ARHGAP28: variants seen among roughly 807,000 people sequenced by gnomAD.
ARHGAP28 encodes the protein Rho GTPase activating protein 28.
ARHGAP28 carries 56 observed loss-of-function variants against 90.7 expected under a neutral mutation model. The ratio of observed to expected loss-of-function variants is 0.62; its 90% CI spans 0.50 to 0.77. The LOEUF (loss-of-function observed/expected upper bound fraction) is 0.77. Among genes scored for constraint, ARHGAP28 ranks in the 30% least tolerant of loss-of-function variants. The probability of loss-of-function intolerance (pLI) is 0.00; values close to 1 mark genes in which losing one functional copy is unlikely to be tolerated. For missense variants in ARHGAP28, 869 were observed against 900.9 expected (o/e 0.96, Z 0.45); for synonymous variants, 308 against 323.3 (o/e 0.95, Z 0.51).
At position 6,894,636 on chromosome 18, in the gene ARHGAP28, T is replaced by C. The variant is rs146988784; in HGVS notation, c.1849-199T>C. The stretch of plus-strand genomic sequence containing the variant: ...GTGTGTCAGCAAACAAACATCTATA[T>C]ACATCATTGTTCACAAATGAAGTAT... On this transcript the variant is annotated intron_variant, in intron 14 of 17. Transcript: ENST00000383472. Among the ~76,000 whole-genome samples the C allele has an allele frequency of 3.9e-5, 6 of 152,370 alleles. No individual in the cohort carries two copies. The East Asian group carries it at 7.7e-4, about 20-fold the overall frequency.
chr18:6,876,811 G>C (rs1447550842), intron 10 of ARHGAP28, among the ~76,000 whole-genome samples: 2 of 152,216 alleles, frequency 1.3e-5, no homozygotes, highest in Non-Finnish European at 2.9e-5. Context: ...GCTGTTCAGT[G>C]TGAATCTTAT....
Position 6,840,454 on chromosome 18 carries a change from G to A in ARHGAP28, c.543+3040G>A, listed in dbSNP as rs1050868427. On this transcript the variant is annotated intron_variant, in intron 3 of 17. Transcript: ENST00000383472. ...TAATGTAAAAACAGCAAGGTAAAGG[G>A]TATTTTTTGTGCACCTTCTTCTTTC... is the stretch of plus-strand genomic sequence containing the variant. Among the ~76,000 whole-genome samples the A allele has an allele frequency of 4.6e-5, 7 of 152,300 alleles. 1 individual carries two copies. Among genetic ancestry groups the A allele is most frequent in the Admixed American group, 2.0e-4 (3 of 15,310 alleles).
intron 1 of ARHGAP28, among the ~76,000 whole-genome samples, chr18:6,771,970 T>C (rs2056246543): frequency 6.6e-6 from 1 of 152,180 alleles, no homozygotes; most frequent in African/African-American, 2.4e-5. Flanking sequence ...ACACATTCTA[T>C]GCATGTAACA....
At chr18:6,818,494 A>G (rs1201244990) in intron 1 of ARHGAP28, among the ~76,000 whole-genome samples, 2 of 152,142 alleles carry the variant, frequency 1.3e-5, no homozygotes, top group African/African-American at 4.8e-5. Flanking sequence ...GTTCCTCTAT[A>G]TTCTAGTGGG....
chr18:6,758,104 G>A lies in ARHGAP28; in HGVS notation c.122+28161G>A, dbSNP rs79945764. On this transcript the variant is annotated intron_variant, in intron 1 of 17. Transcript: ENST00000383472. Reference sequence around the variant, plus strand: ...TGAAAGGTTTGGGAAACAAACTGATGCCTGAGGAATTCTTTTGACCTGTGT... The same window carrying A: ...TGAAAGGTTTGGGAAACAAACTGATACCTGAGGAATTCTTTTGACCTGTGT... Among the ~76,000 whole-genome samples the A allele has an allele frequency of 3.2e-3, 482 of 152,318 alleles. 4 individuals carry two copies. Among genetic ancestry groups the A allele is most frequent in the African/African-American group, 0.011 (458 of 41,570 alleles).
At chr18:6,864,096 T>C (rs772274046) in intron 5 of ARHGAP28, among the ~76,000 whole-genome samples, 3 of 150,916 alleles carry the variant, frequency 2.0e-5, no homozygotes, top group Non-Finnish European at 4.4e-5. Flanking sequence ...GACGGAGTCT[T>C]GCTCTGTCAC....
At chr18:6,833,715 T>C (rs181760652) in intron 2 of ARHGAP28, among the ~76,000 whole-genome samples, 147 of 152,244 alleles carry the variant, frequency 9.7e-4, no homozygotes, top group African/African-American at 3.5e-3. Flanking sequence ...ATCACTTACT[T>C]AAGGTGATAT....
intron 1 of ARHGAP28, among the ~76,000 whole-genome samples, chr18:6,760,696 C>T (rs1001877532): frequency 6.6e-6 from 1 of 152,158 alleles, no homozygotes; most frequent in Non-Finnish European, 1.5e-5. Flanking sequence ...AAGCTTATCT[C>T]AATTTAGCTA....
At chr18:6,847,140 A>T (rs1205163435) in intron 3 of ARHGAP28, among the ~76,000 whole-genome samples, 2 of 152,026 alleles carry the variant, frequency 1.3e-5, no homozygotes, top group Non-Finnish European at 2.9e-5. Context: ...CTGGATAAGG[A>T]GGGTTGTTTG....
intron 1 of ARHGAP28, chr18:6,790,767 G>C (rs566080120): frequency 3.9e-5 from 6 of 152,172 alleles, no homozygotes; most frequent in Non-Finnish European, 7.3e-5. Context: ...CCGCTTCTCA[G>C]GGTTGGGTAC....
chr18:6,842,631 C>T (rs2056836076), intron 3 of ARHGAP28, among the ~76,000 whole-genome samples: 1 of 151,972 alleles, frequency 6.6e-6, no homozygotes, highest in South Asian at 2.1e-4. Context: ...TGACTTTGAT[C>T]CTTGGGTGTT....
chr18:6,783,809 T>C (rs190928883), intron 1 of ARHGAP28, among the ~76,000 whole-genome samples: 21 of 152,208 alleles, frequency 1.4e-4, no homozygotes, highest in African/African-American at 4.8e-4. Context: ...TATTCCCCTT[T>C]CCCATCCCTA....
intron 1 of ARHGAP28, among the ~76,000 whole-genome samples, chr18:6,788,208 T>A (rs998205293): frequency 3.3e-5 from 5 of 151,810 alleles, no homozygotes; most frequent in Non-Finnish European, 5.9e-5. Context: ...TCTCGGGAGA[T>A]CTGGTTGTTC....
intron 4 of ARHGAP28, among the ~76,000 whole-genome samples, chr18:6,854,237 T>C (rs1483157491): frequency 2.0e-5 from 3 of 152,100 alleles, no homozygotes; most frequent in African/African-American, 7.2e-5. Flanking sequence ...AGCGTGACCG[T>C]ATGTTTTTTC....
chr18:6,730,270 C>G (rs1160047748), intron 1 of ARHGAP28, among the ~76,000 whole-genome samples: 1 of 144,394 alleles, frequency 6.9e-6, no homozygotes, highest in Non-Finnish European at 1.5e-5. Context: ...TATAAAACAT[C>G]GGGAAATTAA....
intron 9 of ARHGAP28, chr18:6,875,033 G>A (rs1041178133): frequency 4.6e-5 from 7 of 152,202 alleles, no homozygotes; most frequent in African/African-American, 1.7e-4. Flanking sequence ...CCTTCATTGA[G>A]TTGAAACCAG....
intron 11 of ARHGAP28, among the ~76,000 whole-genome samples, chr18:6,885,596 T>G (rs1388400114): frequency 6.6e-6 from 1 of 152,190 alleles, no homozygotes; most frequent in Admixed American, 6.5e-5. Context: ...AAGAGAATAC[T>G]TGTGACGGGG....
chr18:6,775,485 A>T (rs1243054778), intron 1 of ARHGAP28, among the ~76,000 whole-genome samples: 1 of 152,054 alleles, frequency 6.6e-6, no homozygotes, highest in Non-Finnish European at 1.5e-5. Context: ...GCTTGTTTTC[A>T]TAGTGTGTGG....
chr18:6,776,002 A>G (rs2143442905), intron 1 of ARHGAP28, among the ~76,000 whole-genome samples: 1 of 152,300 alleles, frequency 6.6e-6, no homozygotes. Context: ...AAACATTGGG[A>G]AAATGAACAA....
Sources: allele counts gnomAD v4.1 joint callset (sites outside exome capture counted in the v4.1 genomes callset), GRCh38; gene constraint gnomAD v4.1.1; transcripts MANE v1.5; gene names NCBI Gene and HGNC (gene_info 2026-07-23, HGNC 2026-07-21).